PRKN: variants seen among roughly 807,000 people sequenced by gnomAD.
PRKN encodes the protein E3 ubiquitin-protein ligase parkin.
In PRKN, 56 loss-of-function variants were observed where a neutral mutation model predicts 59.5. The observed-to-expected ratio is 0.94, with a 90% CI of 0.76 to 1.18. The LOEUF (loss-of-function observed/expected upper bound fraction) is 1.18, where lower values mean the gene tolerates loss of function less well. Ranked by LOEUF, PRKN falls within the 50% of genes most tolerant of loss-of-function variation. The pLI is 0.00. For missense variants in PRKN, 657 were observed against 596.4 expected (o/e 1.10, Z -1.06); for synonymous variants, 250 against 222.1 (o/e 1.13, Z -1.12).
chr6:161,622,301 T>C (rs919329697), intron 7 of PRKN, among the ~76,000 whole-genome samples: 8 of 152,172 alleles, frequency 5.3e-5, no homozygotes, highest in African/African-American at 1.9e-4. Context: ...GCCATTCCCA[T>C]TCAATTCCTG....
intron 1 of PRKN, among the ~76,000 whole-genome samples, chr6:162,585,865 C>T (rs1419896749): frequency 1.3e-5 from 2 of 148,400 alleles, no homozygotes; most frequent in African/African-American, 5.0e-5. Context: ...CCATGCCCGG[C>T]TAATTTTTTT....
At chr6:162,214,741 T>A (rs1025303923) in intron 3 of PRKN, among the ~76,000 whole-genome samples, 1 of 152,170 alleles carries the variant, frequency 6.6e-6, no homozygotes, top group Non-Finnish European at 1.5e-5. Flanking sequence ...GAAAGATAGA[T>A]CCCTAATTTC....
chr6:162,184,347 G>A (rs1583166451), intron 4 of PRKN, among the ~76,000 whole-genome samples: 1 of 152,140 alleles, frequency 6.6e-6, no homozygotes, highest in Non-Finnish European at 1.5e-5. Flanking sequence ...GGCTTGCCCC[G>A]CTGATATGGT....
At chr6:162,061,335 C>T (rs1231597495) in intron 4 of PRKN, among the ~76,000 whole-genome samples, 4 of 152,154 alleles carry the variant, frequency 2.6e-5, no homozygotes, top group South Asian at 2.1e-4. Flanking sequence ...AAAATGGCAA[C>T]TGTTACAAGT....
chr6:162,686,070 T>C (rs1779964572), intron 1 of PRKN, among the ~76,000 whole-genome samples: 2 of 152,150 alleles, frequency 1.3e-5, no homozygotes, highest in South Asian at 2.1e-4. Flanking sequence ...GGGTTAGGGA[T>C]GTGGTGGCTA....
chr6:161,835,192 T>C (rs1438669489), intron 6 of PRKN, among the ~76,000 whole-genome samples: 1 of 152,148 alleles, frequency 6.6e-6, no homozygotes, highest in Non-Finnish European at 1.5e-5. Flanking sequence ...ATCATTTTTA[T>C]TTAGTATTTT....
At chr6:161,657,380 C>G (rs1007843071) in intron 7 of PRKN, among the ~76,000 whole-genome samples, 1 of 152,112 alleles carries the variant, frequency 6.6e-6, no homozygotes, top group Non-Finnish European at 1.5e-5. Context: ...TCTTTTATTT[C>G]AAATCTCCTC....
intron 6 of PRKN, among the ~76,000 whole-genome samples, chr6:161,874,861 AT>A (rs1794632769): frequency 2.6e-5 from 3 of 113,526 alleles, no homozygotes; most frequent in Admixed American, 2.2e-4. Flanking sequence ...TAAAATATAT[AT>A]AAAATGTAAA....
At chr6:162,457,662 T>C (rs9347645) in intron 1 of PRKN, among the ~76,000 whole-genome samples, 24,052 of 152,096 alleles carry the variant, frequency 0.16, 2,219 homozygotes, top group East Asian at 0.38. Context: ...TGAAACCAAA[T>C]AGCCATTCAG....
intron 3 of PRKN, among the ~76,000 whole-genome samples, chr6:162,232,870 G>A (rs547713500): frequency 6.6e-6 from 1 of 152,098 alleles, no homozygotes; most frequent in East Asian, 1.9e-4. Flanking sequence ...AATTAATACA[G>A]ATTGGAGAAT....
chr6:161,374,368 TTGTG>T (rs1366729142), intron 10 of PRKN, among the ~76,000 whole-genome samples: 1 of 147,050 alleles, frequency 6.8e-6, no homozygotes, highest in Admixed American at 6.7e-5. Context: ...GCCGTGTGTG[TTGTG>T]TATGTGTGGT....
chr6:161,373,116 A>T lies in PRKN; in HGVS notation c.1168-12911T>A, dbSNP rs992389407. Among the ~76,000 whole-genome samples the T allele has an allele frequency of 6.6e-6, 1 of 152,066 alleles. No homozygotes were observed. The highest frequency in any genetic ancestry group is 2.4e-5 in the African/African-American group (1 of 41,408). On this transcript the variant is annotated intron_variant, in intron 10 of 11. Transcript: ENST00000366898. The surrounding 1 kb of genome is among the most constrained non-coding windows in gnomAD (Gnocchi z 4.8). ...TGAACCACCACACTCGGTAGGGCAG[A>T]ATTTTTCTCTTCTCTGGGAAACCGA... is the stretch of plus-strand genomic sequence containing the variant.
At chr6:161,482,764 CT>C (rs2115246478) in intron 9 of PRKN, among the ~76,000 whole-genome samples, 1 of 152,258 alleles carries the variant, frequency 6.6e-6, no homozygotes, top group South Asian at 2.1e-4. Flanking sequence ...GTTTCTGGGT[CT>C]TGTTTTTTTC....
intron 2 of PRKN, among the ~76,000 whole-genome samples, chr6:162,429,164 A>G (rs1789386774): frequency 6.6e-6 from 1 of 152,096 alleles, no homozygotes; most frequent in African/African-American, 2.4e-5. Flanking sequence ...CGCATGTTAC[A>G]AGAAGTCTAA....
intron 4 of PRKN, among the ~76,000 whole-genome samples, chr6:162,078,001 TAAAAA>T (rs59795906): frequency 0.021 from 2,541 of 123,498 alleles, 98 homozygotes; most frequent in African/African-American, 0.073. Flanking sequence ...ACTCTCTCTC[TAAAAA>T]AAAAAAAAAA....
intron 9 of PRKN, among the ~76,000 whole-genome samples, chr6:161,537,746 C>T (rs890717989): frequency 1.5e-4 from 23 of 152,284 alleles, no homozygotes; most frequent in Non-Finnish European, 2.6e-4. Context: ...CCACTGCGCC[C>T]GGCCTCAAAT....
chr6:161,891,285 A>G (rs550447182), intron 6 of PRKN, among the ~76,000 whole-genome samples: 2 of 152,178 alleles, frequency 1.3e-5, no homozygotes, highest in Non-Finnish European at 2.9e-5. Context: ...GGGCGCCCCG[A>G]GGAAACACTA....
chr6:162,484,987 C>A (rs1001016407), intron 1 of PRKN, among the ~76,000 whole-genome samples: 2 of 152,014 alleles, frequency 1.3e-5, no homozygotes, highest in Non-Finnish European at 2.9e-5. Flanking sequence ...GGCATATATT[C>A]TTTTCATAAT....
At chr6:162,669,160 G>A (rs529485938) in intron 1 of PRKN, among the ~76,000 whole-genome samples, 2 of 151,964 alleles carry the variant, frequency 1.3e-5, no homozygotes, top group South Asian at 2.1e-4. Flanking sequence ...CCACAGAAAA[G>A]CCACCATATC....
Sources: gnomAD v4.1 joint callset for allele counts (sites outside exome capture counted in the v4.1 genomes callset) on GRCh38, gnomAD v4.1.1 for gene constraint, Gnocchi (gnomAD v3.1) non-coding constraint, MANE v1.5 for transcripts, NCBI Gene and HGNC (gene_info 2026-07-23, HGNC 2026-07-21) for gene names.